WWP2: variants seen among roughly 807,000 people sequenced by gnomAD.
WWP2 encodes the protein WW domain containing E3 ubiquitin protein ligase 2.
In WWP2, 57 loss-of-function variants were observed where a neutral mutation model predicts 121.0. That is an observed-to-expected ratio of 0.47 (90% confidence interval 0.38 to 0.59). The LOEUF (loss-of-function observed/expected upper bound fraction) is 0.59, where lower values mean the gene tolerates loss of function less well. Among genes scored for constraint, WWP2 ranks in the 20% least tolerant of loss-of-function variants. The probability of loss-of-function intolerance (pLI) is 0.00; values close to 1 mark genes in which losing one functional copy is unlikely to be tolerated. For synonymous variants in WWP2, 449 were observed against 441.3 expected, an observed-to-expected ratio of 1.02 and a Z score of -0.22; for missense variants, 962 against 1,158.9, an observed-to-expected ratio of 0.83 and a Z score of 2.47.
intron 8 of WWP2, among the ~76,000 whole-genome samples, chr16:69,889,660 C>A (rs4146819): frequency 0.64 from 97,160 of 152,038 alleles, 31,849 homozygotes; most frequent in East Asian, 0.94. Context: ...AAAGGAAGGG[C>A]ATGCTTCTGA....
At chr16:69,931,913 G>A in intron 16 of WWP2, 23 bp downstream of exon 16, 2 of 1,605,526 alleles carry the variant, frequency 1.2e-6, no homozygotes, top group Non-Finnish European at 8.5e-7. Context: ...GCCCCGGAAG[G>A]CTGCCCTGTA....
chr16:69,912,369 TCA>T (rs3051446), intron 9 of WWP2, among the ~76,000 whole-genome samples: 4,379 of 140,166 alleles, frequency 0.031, 107 homozygotes, highest in East Asian at 0.12. Flanking sequence ...GGAGTTAGAT[TCA>T]CACACACACA....
rs560406719 is a variant in WWP2 at position 69,876,421 on chromosome 16, G to A, written c.703+4490G>A. 7.3e-5 allele frequency among the ~76,000 whole-genome samples: 11 copies of A among 150,756 alleles called. No homozygotes were observed. In the East Asian group the frequency reaches 1.4e-3, roughly 19 times the overall value. Reference sequence around the variant, plus strand: ...ACTCTGTTGCCTAGGCTGGAATGCCGTGGCATGATCTTGGCTCACTATAAC... The same window carrying A: ...ACTCTGTTGCCTAGGCTGGAATGCCATGGCATGATCTTGGCTCACTATAAC... On this transcript the variant is annotated intron_variant, in intron 7 of 23. Transcript: ENST00000359154.
chr16:69,883,400 G>GCA (rs59771717), intron 7 of WWP2, among the ~76,000 whole-genome samples: 4,996 of 145,790 alleles, frequency 0.034, 120 homozygotes, highest in African/African-American at 0.062. Flanking sequence ...AAGAATGTGC[G>GCA]CACACACACA....
chr16:69,846,747 G>A (rs961223282), intron 6 of WWP2, among the ~76,000 whole-genome samples: 1 of 151,740 alleles, frequency 6.6e-6, no homozygotes, highest in Non-Finnish European at 1.5e-5. Context: ...AAAAAAGAAT[G>A]GGAATAATGA....
At chr16:69,933,433 GT>G (rs1156717236) in intron 16 of WWP2, among the ~76,000 whole-genome samples, 1 of 152,204 alleles carries the variant, frequency 6.6e-6, no homozygotes, top group Non-Finnish European at 1.5e-5. Flanking sequence ...TGGGCATGAG[GT>G]TTCTCATCTG....
intron 1 of WWP2, among the ~76,000 whole-genome samples, chr16:69,767,652 A>T (rs1024967371): frequency 1.3e-5 from 2 of 152,126 alleles, no homozygotes; most frequent in Non-Finnish European, 2.9e-5. Context: ...AGATGGAGGG[A>T]AGTTTTACAG....
At chr16:69,869,825 C>G (rs2057599340) in intron 6 of WWP2, among the ~76,000 whole-genome samples, 1 of 152,156 alleles carries the variant, frequency 6.6e-6, no homozygotes. Flanking sequence ...GGTAGCTGGT[C>G]TGGGTGGTTC....
chr16:69,774,169 G>C (rs905998011), intron 1 of WWP2, among the ~76,000 whole-genome samples: 1 of 152,074 alleles, frequency 6.6e-6, no homozygotes, highest in African/African-American at 2.4e-5. Context: ...AATTACATCT[G>C]TTATCTTATT....
In WWP2 at chr16:69,910,450, C is replaced by T. The variant is rs1214107761; in HGVS notation, c.1004+1600C>T. The stretch of plus-strand genomic sequence containing the variant: ...TTTAGACGGAGTCTCGCTCTGTTGC[C>T]CAGGCTGGAGTGCAGTGGTGCAATC... On this transcript the variant is annotated intron_variant, in intron 9 of 23. Transcript: ENST00000359154. The T allele has an allele frequency of 8.4e-6, 7 of 837,994 alleles. No homozygotes were observed. The African/African-American group carries it at 9.3e-5, about 11-fold the overall frequency. The allele number at this position is 837,994 out of a possible 1,614,324, so 51.9% of individuals were successfully genotyped here.
intron 1 of WWP2, among the ~76,000 whole-genome samples, chr16:69,779,795 C>A: frequency 6.6e-6 from 1 of 152,016 alleles, no homozygotes; most frequent in African/African-American, 2.4e-5. Context: ...TGCTTTAACC[C>A]CTGTTAACTA....
intron 7 of WWP2, among the ~76,000 whole-genome samples, chr16:69,887,516 C>G (rs1441472704): frequency 6.6e-6 from 1 of 152,160 alleles, no homozygotes; most frequent in Non-Finnish European, 1.5e-5. Flanking sequence ...AGCGATTCTC[C>G]TGCCTCAGCC....
Position 69,917,840 on chromosome 16 carries a change from T to C in WWP2, c.1136T>C (p.Leu379Pro), listed in dbSNP as rs1338830426. The C allele has an allele frequency of 6.2e-7, 1 of 1,613,772 alleles. No homozygotes were observed. Among genetic ancestry groups the C allele is most frequent in the Non-Finnish European group, 8.5e-7 (1 of 1,179,674 alleles). ...YEQWQSQRNQ[L>P]QGAMQHFSQR... ...CAGTGGCAGTCGCAGCGGAATCAGCTCCAGGGGGCCATGCAGCACTTCAGC... is the reference window on the plus strand; with the variant it reads ...CAGTGGCAGTCGCAGCGGAATCAGCCCCAGGGGGCCATGCAGCACTTCAGC... The change falls in exon 10 of 24, where the codon CTC becomes CCC. Residue 379 changes from leucine to proline, a missense_variant. Transcript: ENST00000359154.
chr16:69,764,583 G>A (rs2038687976), intron 1 of WWP2, among the ~76,000 whole-genome samples: 1 of 152,210 alleles, frequency 6.6e-6, no homozygotes, highest in Non-Finnish European at 1.5e-5. Flanking sequence ...AATGTAGAAT[G>A]TGAGTAAATG....
At chr16:69,822,470 A>T (rs539534538) in intron 4 of WWP2, among the ~76,000 whole-genome samples, 26 of 152,286 alleles carry the variant, frequency 1.7e-4, no homozygotes, top group African/African-American at 6.0e-4. Flanking sequence ...GACAGATGCG[A>T]TGGAGCAAAG....
intron 2 of WWP2, among the ~76,000 whole-genome samples, chr16:69,795,579 T>C (rs150732957): frequency 0.014 from 2,083 of 151,102 alleles, 44 homozygotes; most frequent in African/African-American, 0.045. Context: ...TGATAACAAT[T>C]GGTGAAGAGT....
At chr16:69,846,289 T>G (rs1337551930) in intron 6 of WWP2, among the ~76,000 whole-genome samples, 3 of 152,180 alleles carry the variant, frequency 2.0e-5, no homozygotes, top group Non-Finnish European at 4.4e-5. Context: ...TGGTGGAATC[T>G]TAGAAACATA....
intron 16 of WWP2, 128 bp from the exon 17 acceptor site, chr16:69,933,842 A>G (rs1011894757): frequency 1.0e-5 from 11 of 1,096,112 alleles, no homozygotes; most frequent in Non-Finnish European, 1.3e-5. Context: ...TGCTTGTCAC[A>G]GGGCTCGACT....
At chr16:69,816,731 G>GCACACGTATACATATA (rs1257415945) in intron 4 of WWP2, among the ~76,000 whole-genome samples, 4 of 151,634 alleles carry the variant, frequency 2.6e-5, no homozygotes, top group Admixed American at 6.6e-5. Flanking sequence ...ATACACACAT[G>GCACACGTATACATATA]CACACGTATA....
Sources: gnomAD v4.1 joint callset for allele counts (sites outside exome capture counted in the v4.1 genomes callset) on GRCh38, gnomAD v4.1.1 for gene constraint, MANE v1.5 for transcripts, NCBI Gene and HGNC (gene_info 2026-07-23, HGNC 2026-07-21) for gene names.